The following TM9SF3 variants were observed in gnomAD, a reference collection of about 807,000 sequenced individuals.
The protein encoded by TM9SF3 is transmembrane 9 superfamily member 3, also known as SM-11044-binding protein.
A neutral mutation model predicts 78.6 loss-of-function variants in TM9SF3; 14 were observed. That is an observed-to-expected ratio of 0.18 (90% CI 0.12 to 0.28). TM9SF3 has a LOEUF of 0.28. TM9SF3 is among the 10% of genes least tolerant of loss of function. TM9SF3 has a pLI of 1.00. For synonymous variants in TM9SF3, 231 were observed against 241.7 expected, an observed-to-expected ratio of 0.96 and a Z score of 0.41; for missense variants, 496 against 721.9, an observed-to-expected ratio of 0.69 and a Z score of 3.59.
At chr10:96,553,375 A>C (rs1421725162) in intron 5 of TM9SF3, among the ~76,000 whole-genome samples, 1 of 152,198 alleles carries the variant, frequency 6.6e-6, no homozygotes, top group Non-Finnish European at 1.5e-5. Context: ...ACATGGAAAA[A>C]ACATGGGCTC....
chr10:96,518,973 G>A lies in TM9SF3; in HGVS notation c.*3290C>T, dbSNP rs537975604. ...CCAATAGAATGAAGCACTAAGACAC[G>A]GTGAAATCTAAACTTAAAACCCAGA... On this transcript the variant is annotated 3_prime_UTR_variant, in exon 15 of 15. Transcript: ENST00000371142. 4 of 152,042 alleles carry A rather than the reference G, an allele frequency of 2.6e-5. No homozygotes were observed. The highest frequency in any genetic ancestry group is 9.6e-5 in the African/African-American group (4 of 41,520). 9.4% of individuals were successfully genotyped at this position (152,042 alleles called of 1,614,324 possible). A position where few individuals can be genotyped will look rare whatever the true frequency, so the allele number is the denominator to read the frequency against.
At chr10:96,539,980 C>A (rs974962393) in intron 9 of TM9SF3, among the ~76,000 whole-genome samples, 2 of 152,118 alleles carry the variant, frequency 1.3e-5, no homozygotes, top group African/African-American at 2.4e-5. Context: ...CAAGATAATG[C>A]GTGTGAAAAT....
chr10:96,573,311 C>T (rs1564939907), intron 2 of TM9SF3, among the ~76,000 whole-genome samples: 1 of 152,112 alleles, frequency 6.6e-6, no homozygotes, highest in Non-Finnish European at 1.5e-5. Flanking sequence ...AAGGTGCATC[C>T]TATTTTTTTA....
Position 96,585,168 on chromosome 10 carries a change from T to C in TM9SF3, c.102+1566A>G, listed in dbSNP as rs182858607. Among the ~76,000 whole-genome samples, 460 of 152,310 alleles carry C rather than the reference T, an allele frequency of 3.0e-3. 4 individuals carry two copies. Among genetic ancestry groups the C allele is most frequent in the African/African-American group, 0.011 (449 of 41,562 alleles). ...TAAAAAGTAGAATACAGTACACTTTTGAGCTTATATGCCTGTATCACGGAA... is the reference window on the plus strand; with the variant it reads ...TAAAAAGTAGAATACAGTACACTTTCGAGCTTATATGCCTGTATCACGGAA... On this transcript the variant is annotated intron_variant, in intron 1 of 14. Transcript: ENST00000371142.
intron 12 of TM9SF3, 98 bp downstream of exon 12, chr10:96,527,933 T>C: frequency 8.0e-7 from 1 of 1,243,768 alleles, no homozygotes; most frequent in Non-Finnish European, 1.1e-6. Flanking sequence ...GTAACAACAT[T>C]TCTATACAGC....
In TM9SF3 at chr10:96,586,773, C is replaced by G. The variant is rs1381088950; in HGVS notation, c.63G>C (p.Leu21=). 2 of 1,288,698 alleles carry G rather than the reference C, an allele frequency of 1.6e-6. No individual in the cohort carries two copies. The highest frequency in any genetic ancestry group is 2.0e-6 in the Non-Finnish European group (2 of 1,016,814). The allele number at this position is 1,288,698 out of a possible 1,614,324, so 79.8% of individuals were successfully genotyped here. Residue 21 remains leucine, a synonymous_variant, in exon 1 of 15, where the codon CTG becomes CTC. Coordinates refer to ENST00000371142, the MANE Select transcript of TM9SF3 (RefSeq NM_020123.4). The part of the protein sequence containing the change: ...AAAAALWLLL[L]LLPRTRADEH... Reference sequence around the variant, plus strand: ...CGTCCGCCCGGGTCCGGGGCAGCAGCAGCAGCAGCAGCCACAGCGCGGCGG... The same window carrying G: ...CGTCCGCCCGGGTCCGGGGCAGCAGGAGCAGCAGCAGCCACAGCGCGGCGG...
At chr10:96,555,893 C>A (rs948116631) in intron 5 of TM9SF3, among the ~76,000 whole-genome samples, 1 of 152,030 alleles carries the variant, frequency 6.6e-6, no homozygotes, top group African/African-American at 2.4e-5. Context: ...ATGACACATA[C>A]CATCTTTTAG....
chr10:96,572,516 A>T (rs1013078663), intron 2 of TM9SF3, among the ~76,000 whole-genome samples: 1 of 149,830 alleles, frequency 6.7e-6, no homozygotes, highest in Non-Finnish European at 1.5e-5. Context: ...TCTATATTTA[A>T]CGCATTTTCT....
At chr10:96,537,900 ATAAGT>A (rs1847979149) in intron 9 of TM9SF3, among the ~76,000 whole-genome samples, 1 of 152,248 alleles carries the variant, frequency 6.6e-6, no homozygotes, top group Non-Finnish European at 1.5e-5. Flanking sequence ...AGGTATCTAA[ATAAGT>A]TGAGAGATAT....
At chr10:96,557,426 A>G (rs1848247410) in intron 5 of TM9SF3, among the ~76,000 whole-genome samples, 1 of 97,942 alleles carries the variant, frequency 1.0e-5, no homozygotes, top group South Asian at 2.9e-4. Flanking sequence ...AAATATACTC[A>G]CAATCTAACA....
At chr10:96,569,640 A>G (rs1352650910) in intron 2 of TM9SF3, among the ~76,000 whole-genome samples, 1 of 152,218 alleles carries the variant, frequency 6.6e-6, no homozygotes, top group African/African-American at 2.4e-5. Flanking sequence ...AATTCATCCT[A>G]ATAACAGATT....
chr10:96,545,886 T>A (rs1484028346), intron 8 of TM9SF3, among the ~76,000 whole-genome samples: 1 of 110,020 alleles, frequency 9.1e-6, no homozygotes, highest in African/African-American at 3.2e-5. Context: ...CGAAACTCCA[T>A]CTCAAAATCA....
chr10:96,538,809 C>T (rs1176470709), intron 9 of TM9SF3, among the ~76,000 whole-genome samples: 2 of 151,998 alleles, frequency 1.3e-5, no homozygotes, highest in Non-Finnish European at 2.9e-5. Context: ...TAATTAAAAC[C>T]GAAAGACAGC....
chr10:96,527,896 TG>T, intron 12 of TM9SF3, 134 bp downstream of exon 12: 1 of 856,702 alleles, frequency 1.2e-6, no homozygotes. Flanking sequence ...TTTTTATAAC[TG>T]GAAAAAAATC....
intron 1 of TM9SF3, among the ~76,000 whole-genome samples, chr10:96,577,166 T>C (rs1848505927): frequency 6.6e-6 from 1 of 151,586 alleles, no homozygotes; most frequent in Non-Finnish European, 1.5e-5. Context: ...GCAACCAGCA[T>C]GATTCACCAT....
chr10:96,533,118 G>A lies in TM9SF3; in HGVS notation c.1258C>T (p.Leu420=), dbSNP rs766509352. The stretch of plus-strand genomic sequence containing the variant: ...CAAGGAAAGTTGGGCTGACCTGACA[G>A]ATTTCGGCCAAGTATTGTACCAACA... ...NLVGTILGRN[L]SGQPNFPCRV... Residue 420 remains leucine, a synonymous_variant, in exon 10 of 15, where the codon CTG becomes TTG. Coordinates refer to ENST00000371142, the MANE Select transcript of TM9SF3 (RefSeq NM_020123.4). 1.2e-6 allele frequency: 2 copies of A among 1,614,108 alleles called. No individual in the cohort carries two copies. Among genetic ancestry groups the A allele is most frequent in the Admixed American group, 1.7e-5 (1 of 60,018 alleles).
chr10:96,553,313 T>G (rs1848196113), intron 5 of TM9SF3, among the ~76,000 whole-genome samples: 1 of 152,234 alleles, frequency 6.6e-6, no homozygotes, highest in Non-Finnish European at 1.5e-5. Flanking sequence ...TCAAATTTAT[T>G]GTTAAAAACA....
At position 96,519,374 on chromosome 10, in the gene TM9SF3, G is replaced by C. The variant is rs536062464; in HGVS notation, c.*2889C>G. 3 of 151,954 alleles carry C rather than the reference G, an allele frequency of 2.0e-5. No individual in the cohort carries two copies. The highest frequency in any genetic ancestry group is 7.2e-5 in the African/African-American group (3 of 41,492). 9.4% of individuals were successfully genotyped at this position (151,954 alleles called of 1,614,324 possible). A position where few individuals can be genotyped will look rare whatever the true frequency, so the allele number is the denominator to read the frequency against. On this transcript the variant is annotated 3_prime_UTR_variant, in exon 15 of 15. Transcript: ENST00000371142. ...TAATATAATGAATTCTAAGAGTATG[G>C]GGTTTGATTTATGGGCAACCCCAGT... is the stretch of plus-strand genomic sequence containing the variant.
intron 11 of TM9SF3, among the ~76,000 whole-genome samples, chr10:96,529,670 G>A (rs903613838): frequency 3.3e-5 from 5 of 150,774 alleles, no homozygotes; most frequent in South Asian, 2.1e-4. Context: ...ATCAGTGGAC[G>A]TACATTTACT....
Sources: gnomAD v4.1 joint callset for allele counts (sites outside exome capture counted in the v4.1 genomes callset) on GRCh38, gnomAD v4.1.1 for gene constraint, MANE v1.5 for transcripts, NCBI Gene and HGNC (gene_info 2026-07-23, HGNC 2026-07-21) for gene names.